Variants in GPA33 observed in about 807,000 individuals in gnomAD.
GPA33 encodes the protein glycoprotein A33.
Under a neutral mutation model 35.6 loss-of-function variants are expected in GPA33, and 27 were observed. The observed-to-expected ratio is 0.76, with a 90% CI of 0.56 to 1.04. The LOEUF (loss-of-function observed/expected upper bound fraction) is 1.04. Among genes scored for constraint, GPA33 ranks in the 50% least tolerant of loss-of-function variants. GPA33 has a pLI of 0.00. For missense variants in GPA33, 428 were observed against 411.9 expected, an observed-to-expected ratio of 1.04 and a Z score of -0.34; for synonymous variants, 176 against 164.0, an observed-to-expected ratio of 1.07 and a Z score of -0.56.
intron 4 of GPA33, among the ~76,000 whole-genome samples, chr1:167,062,827 G>A (rs1028498850): frequency 2.6e-5 from 4 of 151,750 alleles, no homozygotes; most frequent in African/African-American, 9.7e-5. Context: ...GGTGTGTCTG[G>A]GGCAGCGGGG....
At chr1:167,056,880 T>A (rs1666314668) in intron 4 of GPA33, among the ~76,000 whole-genome samples, 2 of 124,982 alleles carry the variant, frequency 1.6e-5, no homozygotes, top group Middle Eastern at 4.0e-3. Flanking sequence ...GTGTGGTGTG[T>A]GTGGTGTGTG....
chr1:167,060,194 T>A (rs1666405146), intron 4 of GPA33, among the ~76,000 whole-genome samples: 1 of 152,188 alleles, frequency 6.6e-6, no homozygotes, highest in Non-Finnish European at 1.5e-5. Context: ...CACCTCAGCC[T>A]CCCAAGTAGC....
In GPA33 at chr1:167,086,457, G is replaced by C. The variant is rs147767882; in HGVS notation, c.43+3788C>G. On this transcript the variant is annotated intron_variant, in intron 1 of 6. Coordinates refer to ENST00000367868, the MANE Select transcript of GPA33 (RefSeq NM_005814.3). The stretch of plus-strand genomic sequence containing the variant: ...ATATCTTAGGCTAGGCCACTGCACA[G>C]AGCTTAGACATGTGACACTGGGCTC... Among the ~76,000 whole-genome samples the C allele has an allele frequency of 6.5e-3, 996 of 152,364 alleles. 19 individuals carry two copies. The highest frequency in any genetic ancestry group is 0.023 in the African/African-American group (958 of 41,582).
intron 2 of GPA33, among the ~76,000 whole-genome samples, chr1:167,070,335 C>T (rs1666693160): frequency 6.6e-6 from 1 of 152,128 alleles, no homozygotes; most frequent in African/African-American, 2.4e-5. Flanking sequence ...TGAGTGTATG[C>T]TATGTGCTAG....
chr1:167,080,251 G>A (rs757779214), intron 1 of GPA33, among the ~76,000 whole-genome samples: 7 of 152,198 alleles, frequency 4.6e-5, no homozygotes, highest in Non-Finnish European at 1.0e-4. Context: ...CATCGGATAA[G>A]CTAATTTACT....
chr1:167,082,168 A>G (rs566191597), intron 1 of GPA33: 3 of 443,732 alleles, frequency 6.8e-6, no homozygotes, highest in East Asian at 1.4e-4. Flanking sequence ...TCCCAGTCCT[A>G]CACAATCACA....
At chr1:167,087,965 G>A (rs974544391) in intron 1 of GPA33, among the ~76,000 whole-genome samples, 1 of 138,760 alleles carries the variant, frequency 7.2e-6, no homozygotes, top group Non-Finnish European at 1.6e-5. Flanking sequence ...TTTTATGATT[G>A]CTTTTAAACT....
rs148369513 is a variant in GPA33, at chr1:167,073,385, C to G, written c.198G>C (p.Thr66=). 1 of 1,612,488 alleles carries G rather than the reference C, an allele frequency of 6.2e-7. No individual in the cohort carries two copies. Among genetic ancestry groups the G allele is most frequent in the Non-Finnish European group, 8.5e-7 (1 of 1,178,780 alleles). The change falls in exon 2 of 7, where the codon ACG becomes ACC. Residue 66 remains threonine (T), a splice_region_variant and synonymous_variant. Transcript: ENST00000367868. ...IQWDKLLLTH[T]ERVVIWPFSN... ...GCCTGAACTTGTAAAGTATCCTTAC[C>G]GTATGAGTGAGGAGGAGCTTATCCC...
intron 6 of GPA33, 85 bp from the exon 7 acceptor site, chr1:167,054,551 G>A: frequency 1.3e-6 from 2 of 1,559,506 alleles, no homozygotes; most frequent in Non-Finnish European, 1.8e-6. Flanking sequence ...ATTACAGGAA[G>A]AGCAGCCTCC....
At chr1:167,073,998 T>C (rs1191352879) in intron 1 of GPA33, among the ~76,000 whole-genome samples, 8 of 151,930 alleles carry the variant, frequency 5.3e-5, no homozygotes, top group African/African-American at 1.7e-4. Flanking sequence ...TATTCTCTCA[T>C]TTAACAAGTA....
intron 3 of GPA33, among the ~76,000 whole-genome samples, chr1:167,068,388 T>G (rs1190812081): frequency 6.6e-6 from 1 of 152,210 alleles, no homozygotes; most frequent in East Asian, 1.9e-4. Context: ...CAATAATAAG[T>G]CATTCCTATG....
chr1:167,077,551 A>C (rs1666848958), intron 1 of GPA33, among the ~76,000 whole-genome samples: 1 of 152,202 alleles, frequency 6.6e-6, no homozygotes, highest in Admixed American at 6.5e-5. Flanking sequence ...TGCCACTGGC[A>C]GAACCTAAAT....
chr1:167,065,846 C>T lies in GPA33; in HGVS notation c.416-2109G>A, dbSNP rs965715923. Among the ~76,000 whole-genome samples, 25 of 152,192 alleles carry T rather than the reference C, an allele frequency of 1.6e-4. No homozygotes were observed. In the East Asian group the frequency reaches 4.2e-3, roughly 26 times the overall value. On this transcript the variant is annotated intron_variant, in intron 3 of 6. Transcript: ENST00000367868. ...ACATAAGAGGTCCAAAGTTCAAGGC[C>T]GGGCCTCATCTATCCTGCACCAGAC...
Position 167,053,495 on chromosome 1 carries a change from A to G in GPA33, c.*839T>C, listed in dbSNP as rs1666158894. The G allele has an allele frequency of 6.6e-6, 1 of 152,298 alleles. No individual in the cohort carries two copies. The highest frequency in any genetic ancestry group is 2.4e-5 in the African/African-American group (1 of 41,480). 9.4% of individuals were successfully genotyped at this position (152,298 alleles called of 1,614,324 possible). On this transcript the variant is annotated 3_prime_UTR_variant, in exon 7 of 7. Transcript: ENST00000367868. ...TAGGGCTTCAGGGAAAGCAAAAGCC[A>G]TGAGGCCCAGGCCCTGCCCCAAGGA...
intron 2 of GPA33, among the ~76,000 whole-genome samples, chr1:167,070,518 C>A (rs139062488): frequency 6.6e-6 from 1 of 152,158 alleles, no homozygotes; most frequent in Non-Finnish European, 1.5e-5. Flanking sequence ...AGGTTCAAAC[C>A]GGGCATTGTG....
chr1:167,055,794 G>A lies in GPA33; in HGVS notation c.627C>T (p.Tyr209=). Residue 209 remains tyrosine, a synonymous_variant, in exon 5 of 7, where the codon TAC becomes TAT. Coordinates refer to ENST00000367868, the MANE Select transcript of GPA33 (RefSeq NM_005814.3). ...KNISTDTSGY[Y]ICTSSNEEGT... ...CCTCCTCATTGCTGGAGGTACAGATGTAGTAACCCGATGTGTCTGTGGAGA... is the reference window on the plus strand; with the variant it reads ...CCTCCTCATTGCTGGAGGTACAGATATAGTAACCCGATGTGTCTGTGGAGA... 2.5e-6 allele frequency: 4 copies of A among 1,613,832 alleles called. No homozygotes were observed. The highest frequency in any genetic ancestry group is 3.4e-6 in the Non-Finnish European group (4 of 1,179,712).
In GPA33 at chr1:167,054,266, G is replaced by C. The variant is rs1666180996; in HGVS notation, c.*68C>G. The C allele has an allele frequency of 3.4e-5, 54 of 1,584,828 alleles. 1 individual carries two copies. The South Asian group carries it at 5.8e-4, about 17-fold the overall frequency. On this transcript the variant is annotated 3_prime_UTR_variant, in exon 7 of 7. Transcript: ENST00000367868. ...ACAGGAGAACAGGGCTTAGAAAGGA[G>C]AAGGGAGGCCAGGAAGCGGGAGAAT...
At chr1:167,089,768 G>A (rs1667119993) in intron 1 of GPA33, among the ~76,000 whole-genome samples, 1 of 152,072 alleles carries the variant, frequency 6.6e-6, no homozygotes, top group African/African-American at 2.4e-5. Flanking sequence ...TTTGTTTTTA[G>A]GGTTTGAATC....
At chr1:167,072,143 C>T (rs927121911) in intron 2 of GPA33, among the ~76,000 whole-genome samples, 2 of 98,668 alleles carry the variant, frequency 2.0e-5, no homozygotes, top group East Asian at 1.0e-3. Context: ...CTTTCCCCAT[C>T]CGTCCTGCCC....
Sources: gnomAD v4.1 joint callset for allele counts (sites outside exome capture counted in the v4.1 genomes callset) on GRCh38, gnomAD v4.1.1 for gene constraint, MANE v1.5 for transcripts, NCBI Gene and HGNC (gene_info 2026-07-23, HGNC 2026-07-21) for gene names.